ANKRD44: variants seen among roughly 807,000 people sequenced by gnomAD.
ANKRD44 encodes the protein ankyrin repeat domain 44, also known as serine/threonine-protein phosphatase 6 regulatory ankyrin repeat subunit B.
In ANKRD44, 35 loss-of-function variants were observed where a neutral mutation model predicts 116.0. The observed-to-expected ratio is 0.30, with a 90% CI of 0.23 to 0.40. ANKRD44 has a LOEUF of 0.40. Among genes scored for constraint, ANKRD44 ranks in the 10% least tolerant of loss-of-function variants. The pLI is 1.00. For missense variants in ANKRD44, 1,014 were observed against 1,242.6 expected (o/e 0.82, Z 2.77); for synonymous variants, 435 against 461.8 (o/e 0.94, Z 0.74).
intron 1 of ANKRD44, among the ~76,000 whole-genome samples, chr2:197,303,804 G>T (rs1574481665): frequency 6.6e-6 from 1 of 152,288 alleles, no homozygotes; most frequent in South Asian, 2.1e-4. Flanking sequence ...GTTTTCAAAA[G>T]AGGAGGCAAG....
chr2:197,136,674 CA>C lies in ANKRD44; in HGVS notation c.191-13del. ...ATTTACACGAGCTCCTGGAATCAAA[CA>C]GCACAAGTTAGAGGCATAATGGGGT... On this transcript the variant is annotated splice_polypyrimidine_tract_variant and intron_variant, in intron 3 of 27. Coordinates refer to ENST00000282272, the MANE Select transcript of ANKRD44 (RefSeq NM_001195144.2). The C allele has an allele frequency of 6.2e-7, 1 of 1,613,828 alleles. No homozygotes were observed. The highest frequency in any genetic ancestry group is 8.5e-7 in the Non-Finnish European group (1 of 1,179,712).
rs1491563139 is a variant in ANKRD44, at chr2:197,034,049, C to CCAGAGAGAGAGAGAGAGAGAGA, written c.1651-8783_1651-8782insTCTCTCTCTCTCTCTCTCTCTG. ...ATGTCTCAGGGGAGGCATATGAGGG[C>CCAGAGAGAGAGAGAGAGAGAGA]TAGAGAGAGAGAGAGAGAGAGAGAG... On this transcript the variant is annotated intron_variant, in intron 16 of 27. Coordinates refer to ENST00000282272, the MANE Select transcript of ANKRD44 (RefSeq NM_001195144.2). Among the ~76,000 whole-genome samples, 7 of 13,278 alleles carry CCAGAGAGAGAGAGAGAGAGAGA rather than the reference C, an allele frequency of 5.3e-4. 1 individual carries two copies. Among genetic ancestry groups the CCAGAGAGAGAGAGAGAGAGAGA allele is most frequent in the Non-Finnish European group, 1.4e-3 (7 of 4,890 alleles). The allele number at this position is 13,278 out of a possible 152,430, so 8.7% of individuals were successfully genotyped here.
intron 1 of ANKRD44, among the ~76,000 whole-genome samples, chr2:197,218,747 G>A (rs1041987311): frequency 1.3e-5 from 1 of 79,086 alleles, no homozygotes; most frequent in African/African-American, 5.2e-5. Context: ...GGAGGGTAAA[G>A]TCCCTTTTTT....
intron 1 of ANKRD44, among the ~76,000 whole-genome samples, chr2:197,295,869 G>A (rs960833878): frequency 6.6e-6 from 1 of 152,062 alleles, no homozygotes; most frequent in African/African-American, 2.4e-5. Flanking sequence ...AGACCAGACT[G>A]GGCAACATGG....
intron 1 of ANKRD44, among the ~76,000 whole-genome samples, chr2:197,217,267 G>C (rs1251408044): frequency 6.6e-6 from 1 of 151,956 alleles, no homozygotes; most frequent in Non-Finnish European, 1.5e-5. Flanking sequence ...AATATCCAGG[G>C]TGTCAAATAT....
chr2:197,001,951 G>A (rs1193045041), intron 21 of ANKRD44, 111 bp from the exon 22 acceptor site: 2 of 709,250 alleles, frequency 2.8e-6, no homozygotes, highest in Admixed American at 2.6e-5. Flanking sequence ...TCCTGAATTG[G>A]CTGAACATTC....
At chr2:197,076,547 C>T (rs1052606996) in intron 16 of ANKRD44, among the ~76,000 whole-genome samples, 2 of 152,094 alleles carry the variant, frequency 1.3e-5, no homozygotes, top group Admixed American at 1.3e-4. Context: ...TGCAGGTTTG[C>T]TATATAGGTA....
chr2:197,025,153 T>C (rs769709904), intron 17 of ANKRD44, 43 bp downstream of exon 17: 2 of 1,570,500 alleles, frequency 1.3e-6, no homozygotes, highest in Non-Finnish European at 1.8e-6. Flanking sequence ...AATGCTTAGG[T>C]TGTTTTTGTA....
At chr2:197,070,624 G>A (rs1269397474) in intron 16 of ANKRD44, among the ~76,000 whole-genome samples, 5 of 152,158 alleles carry the variant, frequency 3.3e-5, no homozygotes, top group Non-Finnish European at 1.5e-5. Context: ...TTCTCTGCAT[G>A]TATCACTGAA....
chr2:197,094,816 G>T lies in ANKRD44; in HGVS notation c.1101-4784C>A, dbSNP rs148164696. Among the ~76,000 whole-genome samples, 4 of 152,334 alleles carry T rather than the reference G, an allele frequency of 2.6e-5. No individual in the cohort carries two copies. In the East Asian group the frequency reaches 7.7e-4, roughly 29 times the overall value. On this transcript the variant is annotated intron_variant, in intron 10 of 27. Coordinates refer to ENST00000282272, the MANE Select transcript of ANKRD44 (RefSeq NM_001195144.2). ...TTATGCACCCTTAAGTGACAGCCATGAGACCTGGTCCTTGTTATTTGCAAC... is the reference window on the plus strand; with the variant it reads ...TTATGCACCCTTAAGTGACAGCCATTAGACCTGGTCCTTGTTATTTGCAAC...
chr2:197,021,722 T>C (rs191230622), intron 17 of ANKRD44, among the ~76,000 whole-genome samples: 6 of 152,350 alleles, frequency 3.9e-5, no homozygotes. Flanking sequence ...TTACAGAATA[T>C]GTGAGCTGCA....
intron 3 of ANKRD44, among the ~76,000 whole-genome samples, chr2:197,140,596 C>T (rs1013494638): frequency 1.3e-5 from 2 of 152,190 alleles, no homozygotes; most frequent in Admixed American, 1.3e-4. Context: ...TCTGGGATTA[C>T]AGATGTGAGC....
intron 16 of ANKRD44, among the ~76,000 whole-genome samples, chr2:197,042,574 G>A (rs1360191733): frequency 2.0e-5 from 3 of 151,106 alleles, no homozygotes; most frequent in African/African-American, 7.3e-5. Context: ...GTCTCTCGGG[G>A]AAGACAGGCA....
rs760382154 is a variant in ANKRD44, at chr2:196,988,398, G to A, written c.*1193C>T. On this transcript the variant is annotated 3_prime_UTR_variant, in exon 28 of 28. Coordinates refer to ENST00000282272, the MANE Select transcript of ANKRD44 (RefSeq NM_001195144.2). Reference sequence around the variant, plus strand: ...TCATCTTCTCTAAACAAACGAAAAGGACAGAAGGTGGGAAGCACAACACCA... The same window carrying A: ...TCATCTTCTCTAAACAAACGAAAAGAACAGAAGGTGGGAAGCACAACACCA... 971 of 985,314 alleles carry A rather than the reference G, an allele frequency of 9.9e-4. 1 individual carries two copies. Among genetic ancestry groups the A allele is most frequent in the South Asian group, 1.5e-3 (32 of 21,264 alleles). 61.0% of individuals were successfully genotyped at this position (985,314 alleles called of 1,614,324 possible).
At chr2:196,992,713 T>C (rs1253063300) in intron 27 of ANKRD44, 1 of 152,598 alleles carries the variant, frequency 6.6e-6, no homozygotes, top group African/African-American at 2.4e-5. Flanking sequence ...CTAGGATACA[T>C]GGGGCTGCAA....
chr2:197,157,675 C>CAA (rs35588359), intron 2 of ANKRD44, among the ~76,000 whole-genome samples: 939 of 80,132 alleles, frequency 0.012, 17 homozygotes, highest in Non-Finnish European at 0.015. Context: ...GAGACTCTGT[C>CAA]AAAAAAAAAA....
At chr2:197,302,759 A>G (rs577441742) in intron 1 of ANKRD44, among the ~76,000 whole-genome samples, 29 of 152,324 alleles carry the variant, frequency 1.9e-4, no homozygotes, top group Middle Eastern at 3.4e-3. Context: ...GATTACATGT[A>G]GGAATTTTCT....
intron 1 of ANKRD44, among the ~76,000 whole-genome samples, chr2:197,308,942 G>A (rs1460363573): frequency 3.9e-5 from 6 of 152,194 alleles, no homozygotes; most frequent in African/African-American, 9.6e-5. Context: ...CCTATAGCTG[G>A]CATTCTTTGA....
intron 16 of ANKRD44, among the ~76,000 whole-genome samples, chr2:197,053,682 C>T (rs760224335): frequency 1.3e-5 from 2 of 152,156 alleles, no homozygotes; most frequent in Non-Finnish European, 2.9e-5. Context: ...AGGGTTTCAC[C>T]ATGTTGGCCA....
Sources: allele counts gnomAD v4.1 joint callset (sites outside exome capture counted in the v4.1 genomes callset), GRCh38; gene constraint gnomAD v4.1.1; transcripts MANE v1.5; gene names NCBI Gene and HGNC (gene_info 2026-07-23, HGNC 2026-07-21).